The following AFF3 variants were observed in gnomAD, a reference collection of about 807,000 sequenced individuals.
AFF3 encodes ALF transcription elongation factor 3.
AFF3 carries 32 observed loss-of-function variants against 129.7 expected under a neutral mutation model. The ratio of observed to expected loss-of-function variants is 0.25; its 90% CI spans 0.19 to 0.33. The LOEUF (loss-of-function observed/expected upper bound fraction) is 0.33. AFF3 is among the 10% of genes least tolerant of loss of function. AFF3 has a pLI of 1.00. For synonymous variants in AFF3, 644 were observed against 635.4 expected (o/e 1.01, Z -0.20); for missense variants, 1,373 against 1,592.0 (o/e 0.86, Z 2.34).
intron 7 of AFF3, among the ~76,000 whole-genome samples, chr2:100,005,460 T>C (rs1463968778): frequency 2.6e-5 from 4 of 152,216 alleles, no homozygotes; most frequent in African/African-American, 9.6e-5. Context: ...CTACCAGTCA[T>C]TTGATGATGA....
chr2:99,634,176 G>A (rs1243897528), intron 13 of AFF3, among the ~76,000 whole-genome samples: 2 of 152,166 alleles, frequency 1.3e-5, no homozygotes, highest in African/African-American at 4.8e-5. Flanking sequence ...CCAAAGTGCT[G>A]GGATTACAGG....
intron 4 of AFF3, among the ~76,000 whole-genome samples, chr2:100,028,832 C>A (rs1684255027): frequency 6.6e-6 from 1 of 152,112 alleles, no homozygotes; most frequent in Admixed American, 6.5e-5. Flanking sequence ...AAAGTGGGCA[C>A]AACTACTGTG....
intron 12 of AFF3, among the ~76,000 whole-genome samples, chr2:99,651,689 G>A (rs1238728796): frequency 3.3e-5 from 5 of 151,998 alleles, no homozygotes; most frequent in Non-Finnish European, 7.4e-5. Flanking sequence ...TGATCCACCC[G>A]CCTCTGCCCC....
chr2:99,731,295 G>A (rs1422445235), intron 10 of AFF3, among the ~76,000 whole-genome samples: 2 of 152,264 alleles, frequency 1.3e-5, no homozygotes, highest in African/African-American at 4.8e-5. Context: ...ACTTTAGACA[G>A]TGCCTAATGA....
intron 14 of AFF3, among the ~76,000 whole-genome samples, chr2:99,596,045 G>A (rs1033560332): frequency 1.3e-5 from 2 of 152,260 alleles, no homozygotes; most frequent in Non-Finnish European, 2.9e-5. Flanking sequence ...TGGAGTGCAG[G>A]TGGGGAAGGG....
chr2:100,102,357 G>A lies in AFF3; in HGVS notation c.53+2045C>T, dbSNP rs549029307. 1.7e-3 allele frequency among the ~76,000 whole-genome samples: 253 copies of A among 151,390 alleles called. 1 individual carries two copies. The highest frequency in any genetic ancestry group is 0.01 in the Middle Eastern group (3 of 294). On this transcript the variant is annotated intron_variant, in intron 4 of 24. Transcript: ENST00000672756. ...CATCTGCAAAACTAGAAACCCTCCCGGTCAAGCCAAACTGTCCTAGTATAT... is the reference window on the plus strand; with the variant it reads ...CATCTGCAAAACTAGAAACCCTCCCAGTCAAGCCAAACTGTCCTAGTATAT...
At chr2:99,964,838 T>C (rs999713447) in intron 7 of AFF3, among the ~76,000 whole-genome samples, 1 of 152,218 alleles carries the variant, frequency 6.6e-6, no homozygotes, top group Non-Finnish European at 1.5e-5. Context: ...TTAATGTCAA[T>C]ATGCTCATGA....
At chr2:99,629,948 T>A (rs1159366627) in intron 13 of AFF3, among the ~76,000 whole-genome samples, 1 of 152,202 alleles carries the variant, frequency 6.6e-6, no homozygotes, top group Non-Finnish European at 1.5e-5. Flanking sequence ...ATTGTGTGAA[T>A]TTTAAGAGAA....
rs1001570585 is a variant in AFF3 at position 99,546,355 on chromosome 2, T to C, written c.*5119A>G. ...CACCCATCTCTGGGATGAGGAGTTC[T>C]CCATGGTGACCCTGAGTCAGGCTTC... On this transcript the variant is annotated 3_prime_UTR_variant, in exon 25 of 25. Transcript: ENST00000672756. The C allele has an allele frequency of 8.6e-6, 2 of 232,898 alleles. No homozygotes were observed. Among genetic ancestry groups the C allele is most frequent in the East Asian group, 1.2e-4 (2 of 16,554 alleles). The allele number at this position is 232,898 out of a possible 1,614,324, so 14.4% of individuals were successfully genotyped here.
At chr2:99,970,994 A>G (rs1339786313) in intron 7 of AFF3, among the ~76,000 whole-genome samples, 3 of 152,220 alleles carry the variant, frequency 2.0e-5, no homozygotes, top group Admixed American at 2.0e-4. Flanking sequence ...CCTGATCCAG[A>G]GGGTGGTTGG....
intron 4 of AFF3, among the ~76,000 whole-genome samples, chr2:100,090,213 G>GA (rs200722245): frequency 7.4e-5 from 7 of 94,612 alleles, no homozygotes; most frequent in Admixed American, 2.0e-4. Flanking sequence ...TGATCTACAT[G>GA]AAAAAAAAAA....
At chr2:100,035,606 C>T (rs1258389132) in intron 4 of AFF3, among the ~76,000 whole-genome samples, 1 of 152,180 alleles carries the variant, frequency 6.6e-6, no homozygotes, top group Non-Finnish European at 1.5e-5. Flanking sequence ...GCTTTATTTC[C>T]AGCTCTGCCT....
At chr2:99,923,731 C>T (rs74577509) in intron 7 of AFF3, among the ~76,000 whole-genome samples, 2,990 of 152,102 alleles carry the variant, frequency 0.02, 52 homozygotes, top group Middle Eastern at 0.041. Context: ...ATTTCTGCAT[C>T]CTTGGTTTCT....
chr2:100,016,991 ATGG>A (rs1286061007), intron 4 of AFF3, among the ~76,000 whole-genome samples: 2 of 148,374 alleles, frequency 1.3e-5, no homozygotes, highest in African/African-American at 5.0e-5. Flanking sequence ...AATGGTAATG[ATGG>A]TGGTGGTTGT....
At chr2:100,072,274 G>A (rs938350529) in intron 4 of AFF3, among the ~76,000 whole-genome samples, 2 of 152,160 alleles carry the variant, frequency 1.3e-5, no homozygotes, top group African/African-American at 4.8e-5. Flanking sequence ...AAACCCTATT[G>A]TGAACTGTGC....
intron 4 of AFF3, among the ~76,000 whole-genome samples, chr2:100,046,463 A>G (rs952535690): frequency 6.6e-6 from 1 of 152,218 alleles, no homozygotes; most frequent in Non-Finnish European, 1.5e-5. Context: ...AGCAGTCCTC[A>G]TTGGAAAACT....
intron 4 of AFF3, among the ~76,000 whole-genome samples, chr2:100,102,112 T>C (rs2576625): frequency 6.6e-6 from 1 of 152,318 alleles, no homozygotes; most frequent in South Asian, 2.1e-4. Context: ...TATGAAAATA[T>C]TGGACACACA....
intron 8 of AFF3, among the ~76,000 whole-genome samples, chr2:99,772,992 C>T (rs1401321745): frequency 1.3e-5 from 2 of 152,296 alleles, no homozygotes; most frequent in African/African-American, 2.4e-5. Context: ...GGGTTCAGAC[C>T]GGCCAGGTTC....
intron 11 of AFF3, among the ~76,000 whole-genome samples, chr2:99,673,885 G>A (rs181416695): frequency 6.6e-5 from 10 of 152,260 alleles, no homozygotes; most frequent in South Asian, 4.1e-4. Context: ...GTCGCTTCAC[G>A]CACCCTGACC....
Sources: gnomAD v4.1 joint callset for allele counts (sites outside exome capture counted in the v4.1 genomes callset) on GRCh38, gnomAD v4.1.1 for gene constraint, MANE v1.5 for transcripts, NCBI Gene and HGNC (gene_info 2026-07-23, HGNC 2026-07-21) for gene names.